Variants in MECR observed in about 807,000 individuals in gnomAD.
MECR encodes the protein enoyl-[acyl-carrier-protein] reductase, mitochondrial.
Under a neutral mutation model 49.1 loss-of-function variants are expected in MECR, and 37 were observed. The ratio of observed to expected loss-of-function variants is 0.75; its 90% CI spans 0.58 to 0.99. The LOEUF (loss-of-function observed/expected upper bound fraction) is 0.99. Ranked by LOEUF, MECR falls within the 50% of genes least tolerant of loss-of-function variation. MECR has a pLI of 0.00. For missense variants in MECR, 470 were observed against 479.6 expected, an observed-to-expected ratio of 0.98 and a Z score of 0.19; for synonymous variants, 198 against 191.1, an observed-to-expected ratio of 1.04 and a Z score of -0.30.
At chr1:29,225,112 G>T (rs1388318748) in intron 1 of MECR, among the ~76,000 whole-genome samples, 2 of 152,230 alleles carry the variant, frequency 1.3e-5, no homozygotes, top group African/African-American at 4.8e-5. Flanking sequence ...TAGTCTAAAG[G>T]CCAGATGGAA....
chr1:29,191,248 C>G (rs1415621682), downstream of MECR, among the ~76,000 whole-genome samples: 1 of 152,150 alleles, frequency 6.6e-6, no homozygotes, highest in East Asian at 1.9e-4. Flanking sequence ...GCTCCTTCAC[C>G]AGGACTCAGG....
chr1:29,186,567 C>G, the MECR span, among the ~76,000 whole-genome samples: 1 of 152,214 alleles, frequency 6.6e-6, no homozygotes, highest in Non-Finnish European at 1.5e-5. Flanking sequence ...ACATAAAGAG[C>G]GTTTAAAATA....
Position 29,201,501 on chromosome 1 carries a change from GA to G in MECR, c.756+441del. 1 of 477,600 alleles carries G rather than the reference GA, an allele frequency of 2.1e-6. No individual in the cohort carries two copies. The highest frequency in any genetic ancestry group is 1.5e-5 in the South Asian group (1 of 64,604). The allele number at this position is 477,600 out of a possible 1,614,324, so 29.6% of individuals were successfully genotyped here. A position where few individuals can be genotyped will look rare whatever the true frequency, so the allele number is the denominator to read the frequency against. ...TTTGGTTAAGCATTTCCTCTTTTCT[GA>G]GTCTTAGTTTCCTAATCTGTAAAAC... On this transcript the variant is annotated intron_variant, in intron 6 of 9. Transcript: ENST00000263702. The surrounding 1 kb of genome is among the most constrained non-coding windows in gnomAD (Gnocchi z 4.3).
the MECR span, among the ~76,000 whole-genome samples, chr1:29,176,171 G>T: frequency 6.6e-6 from 1 of 152,108 alleles, no homozygotes; most frequent in African/African-American, 2.4e-5. Context: ...AGAATTGCTT[G>T]AACCCAAAAG....
intron 1 of MECR, among the ~76,000 whole-genome samples, chr1:29,218,765 A>T (rs2151903123): frequency 6.6e-6 from 1 of 152,230 alleles, no homozygotes; most frequent in African/African-American, 2.4e-5. Context: ...CAGCTACTTA[A>T]TTAAGGAATG....
At chr1:29,216,222 G>T in intron 2 of MECR, 86 bp from the exon 3 acceptor site, 1 of 1,526,276 alleles carries the variant, frequency 6.6e-7, no homozygotes, top group Non-Finnish European at 9.0e-7. Context: ...TCCTAGGCCT[G>T]ATCTGGGCTC....
intron 3 of MECR, among the ~76,000 whole-genome samples, chr1:29,208,442 T>C (rs1364390107): frequency 1.3e-5 from 2 of 152,228 alleles, no homozygotes; most frequent in Non-Finnish European, 2.9e-5. Flanking sequence ...AAGAACAGCC[T>C]GACTCGCCTC....
At chr1:29,218,479 C>A (rs1447164262) in intron 1 of MECR, among the ~76,000 whole-genome samples, 1 of 152,224 alleles carries the variant, frequency 6.6e-6, no homozygotes, top group African/African-American at 2.4e-5. Flanking sequence ...AACAGTATCA[C>A]CCAACTAAGC....
chr1:29,216,797 C>A, intron 1 of MECR, 112 bp from the exon 2 acceptor site: 1 of 1,573,694 alleles, frequency 6.4e-7, no homozygotes, highest in Non-Finnish European at 8.6e-7. Flanking sequence ...GCCATGTGTG[C>A]CCAGGAATTA....
At chr1:29,186,285 C>T in the MECR span, among the ~76,000 whole-genome samples, 8 of 152,352 alleles carry the variant, frequency 5.3e-5, no homozygotes, top group Middle Eastern at 3.4e-3. Flanking sequence ...CCTCATCAGA[C>T]TGTTCACAGT....
At chr1:29,179,440 G>A in the MECR span, among the ~76,000 whole-genome samples, 42 of 152,202 alleles carry the variant, frequency 2.8e-4, no homozygotes, top group African/African-American at 7.7e-4. Flanking sequence ...GCTCACTGTA[G>A]CCTTGAAATC....
Position 29,216,123 on chromosome 1 carries a change from G to A in MECR, c.288C>T (p.Phe96=). The A allele has an allele frequency of 1.2e-6, 2 of 1,613,994 alleles. No individual in the cohort carries two copies. Among genetic ancestry groups the A allele is most frequent in the South Asian group, 2.2e-5 (2 of 91,064 alleles). The change falls in exon 3 of 10, where the codon TTC becomes TTT. Residue 96 remains phenylalanine, a synonymous_variant. Coordinates refer to ENST00000263702, the MANE Select transcript of MECR (RefSeq NM_016011.5). ...CTCCAACAGCAGGCAGTTCAGGAAG[G>A]AATCCGTAGTTTCCTGAGGGAGAAG... is the stretch of plus-strand genomic sequence containing the variant. The part of the protein sequence containing the change: ...DINMIQGNYG[F]LPELPAVGGN...
At position 29,193,335 on chromosome 1, in the gene MECR, C is replaced by A. The variant is rs1673246950; in HGVS notation, c.*687G>T. The stretch of plus-strand genomic sequence containing the variant: ...TCTGCCTGCTAGATGCCAGTAGCAA[C>A]CTCCTTCATAAGCTGTGATAGCCAG... On this transcript the variant is annotated 3_prime_UTR_variant, in exon 10 of 10. Coordinates refer to ENST00000263702, the MANE Select transcript of MECR (RefSeq NM_016011.5). 5.4e-6 allele frequency: 1 copy of A among 186,376 alleles called. No homozygotes were observed. Among genetic ancestry groups the A allele is most frequent in the African/African-American group, 2.4e-5 (1 of 41,572 alleles). The allele number at this position is 186,376 out of a possible 1,614,324, so 11.5% of individuals were successfully genotyped here. A position where few individuals can be genotyped will look rare whatever the true frequency, so the allele number is the denominator to read the frequency against.
intron 1 of MECR, among the ~76,000 whole-genome samples, chr1:29,217,417 AT>A (rs1679762776): frequency 6.6e-6 from 1 of 151,682 alleles, no homozygotes; most frequent in Non-Finnish European, 1.5e-5. Context: ...GGGTTTCACT[AT>A]GTTGGCCAGG....
the MECR span, among the ~76,000 whole-genome samples, chr1:29,177,716 G>A: frequency 1.3e-5 from 2 of 152,022 alleles, no homozygotes; most frequent in Admixed American, 6.6e-5. Context: ...AAGTTCTCTA[G>A]AACAGTGGCA....
chr1:29,223,969 T>G (rs1681419058), intron 1 of MECR: 1 of 152,138 alleles, frequency 6.6e-6, no homozygotes, highest in Admixed American at 6.6e-5. Flanking sequence ...CTTCCAGGAC[T>G]CCCACCATTC....
At position 29,193,720 on chromosome 1, in the gene MECR, G is replaced by C. The variant is rs1272707948; in HGVS notation, c.*302C>G. On this transcript the variant is annotated 3_prime_UTR_variant, in exon 10 of 10. Transcript: ENST00000263702. ...TCAGGGTGGTCAGAAAATGATTACT[G>C]GGGGAACACATGACAGAAAAGCAGG... 3.2e-6 allele frequency: 1 copy of C among 312,592 alleles called. No individual in the cohort carries two copies. The highest frequency in any genetic ancestry group is 6.0e-6 in the Non-Finnish European group (1 of 167,178). 19.4% of individuals were successfully genotyped at this position (312,592 alleles called of 1,614,324 possible).
At chr1:29,207,313 T>C (rs1401506279) in intron 3 of MECR, among the ~76,000 whole-genome samples, 1 of 151,940 alleles carries the variant, frequency 6.6e-6, no homozygotes, top group Non-Finnish European at 1.5e-5. Flanking sequence ...AGAGACAGGG[T>C]TTTGCCTTGT....
chr1:29,205,036 C>T (rs190229231), intron 4 of MECR, among the ~76,000 whole-genome samples: 8 of 152,310 alleles, frequency 5.3e-5, no homozygotes, highest in South Asian at 2.1e-4. Flanking sequence ...ACAGCCACTG[C>T]GGCTCACGGA....
Sources: allele counts gnomAD v4.1 joint callset (sites outside exome capture counted in the v4.1 genomes callset), GRCh38; gene constraint gnomAD v4.1.1; non-coding constraint Gnocchi (gnomAD v3.1); transcripts MANE v1.5; gene names NCBI Gene and HGNC (gene_info 2026-07-23, HGNC 2026-07-21).